The following LRP1B variants were observed in gnomAD, a reference collection of about 807,000 sequenced individuals.
The protein encoded by LRP1B is LDL receptor related protein 1B.
In LRP1B, 217 loss-of-function variants were observed where a neutral mutation model predicts 556.6. The ratio of observed to expected loss-of-function variants is 0.39; its 90% confidence interval spans 0.35 to 0.44. The LOEUF (loss-of-function observed/expected upper bound fraction) is 0.44, where lower values mean the gene tolerates loss of function less well. Among genes scored for constraint, LRP1B ranks in the 20% least tolerant of loss-of-function variants. LRP1B has a pLI of 1.00. For missense variants in LRP1B, 5,053 were observed against 5,620.8 expected (o/e 0.90, Z 3.23); for synonymous variants, 2,047 against 1,865.8 (o/e 1.10, Z -2.50).
chr2:141,937,829 A>G (rs13011272), intron 1 of LRP1B, among the ~76,000 whole-genome samples: 69,836 of 152,022 alleles, frequency 0.46, 17,777 homozygotes, highest in Middle Eastern at 0.68. Context: ...TTCAGAGATT[A>G]CATTTAAGTC....
chr2:141,594,107 T>G (rs913686328), intron 2 of LRP1B, among the ~76,000 whole-genome samples: 1 of 152,156 alleles, frequency 6.6e-6, no homozygotes, highest in African/African-American at 2.4e-5. Context: ...CCAATCAGCA[T>G]GCACTCTGAG....
intron 27 of LRP1B, among the ~76,000 whole-genome samples, chr2:140,859,822 A>G (rs112902194): frequency 0.017 from 2,582 of 151,864 alleles, 74 homozygotes; most frequent in African/African-American, 0.058. Flanking sequence ...GTGAAACCCC[A>G]TCTCTACTAA....
chr2:141,439,800 GTAAT>G (rs1680891862), intron 3 of LRP1B, among the ~76,000 whole-genome samples: 1 of 152,104 alleles, frequency 6.6e-6, no homozygotes, highest in Non-Finnish European at 1.5e-5. Context: ...AATCCACATA[GTAAT>G]TAAAGATGTT....
chr2:141,337,801 A>G (rs1687901866), intron 3 of LRP1B, among the ~76,000 whole-genome samples: 1 of 152,182 alleles, frequency 6.6e-6, no homozygotes, highest in Admixed American at 6.5e-5. Context: ...CACTTCAAGA[A>G]TGTTTATAAT....
chr2:141,146,785 T>A (rs1209481776), intron 7 of LRP1B, among the ~76,000 whole-genome samples: 2 of 152,192 alleles, frequency 1.3e-5, no homozygotes, highest in African/African-American at 4.8e-5. Context: ...TTCTCCGTTT[T>A]CCTGCTATTT....
intron 37 of LRP1B, among the ~76,000 whole-genome samples, chr2:140,703,642 T>C (rs777163363): frequency 3.3e-5 from 5 of 152,146 alleles, no homozygotes; most frequent in Non-Finnish European, 5.9e-5. Flanking sequence ...GGCACCTAAA[T>C]AGTCAACATA....
chr2:141,069,682 G>A (rs1333728178), intron 7 of LRP1B, among the ~76,000 whole-genome samples: 3 of 151,992 alleles, frequency 2.0e-5, no homozygotes, highest in Admixed American at 1.3e-4. Flanking sequence ...AAAAGGTAAC[G>A]ACACACTGAC....
At chr2:140,295,351 A>C (rs1429826384) in intron 84 of LRP1B, among the ~76,000 whole-genome samples, 1 of 152,216 alleles carries the variant, frequency 6.6e-6, no homozygotes, top group Non-Finnish European at 1.5e-5. Context: ...GCCTAATATG[A>C]TAAGAATAAA....
intron 21 of LRP1B, among the ~76,000 whole-genome samples, chr2:140,909,949 C>G (rs1396820988): frequency 1.3e-5 from 2 of 150,416 alleles, no homozygotes; most frequent in Non-Finnish European, 3.0e-5. Context: ...TGAAAAAAAG[C>G]CTTGAATATA....
Position 140,271,039 on chromosome 2 carries a change from C to G in LRP1B, c.13143-693G>C, listed in dbSNP as rs537327885. 3.3e-5 allele frequency among the ~76,000 whole-genome samples: 5 copies of G among 151,998 alleles called. No homozygotes were observed. The East Asian group carries it at 7.8e-4, about 24-fold the overall frequency. ...TTACCAAATGTTTCTAAGTTAAAGTCGCATCACAGGTTAGGGACAAGAATA... is the reference window on the plus strand; with the variant it reads ...TTACCAAATGTTTCTAAGTTAAAGTGGCATCACAGGTTAGGGACAAGAATA... On this transcript the variant is annotated intron_variant, in intron 85 of 90. Coordinates refer to ENST00000389484, the MANE Select transcript of LRP1B (RefSeq NM_018557.3).
At chr2:140,274,738 G>A in intron 84 of LRP1B, 140 bp from the exon 85 acceptor site, 1 of 654,216 alleles carries the variant, frequency 1.5e-6, no homozygotes, top group Non-Finnish European at 2.5e-6. Context: ...AATTACACAT[G>A]AAGTAGAATT....
At chr2:142,100,048 A>G (rs1471326816) in intron 1 of LRP1B, among the ~76,000 whole-genome samples, 5 of 151,940 alleles carry the variant, frequency 3.3e-5, no homozygotes, top group African/African-American at 4.8e-5. Flanking sequence ...AACAATGCAA[A>G]TGTTGCCACA....
intron 1 of LRP1B, among the ~76,000 whole-genome samples, chr2:141,954,836 C>T (rs1701204422): frequency 3.9e-5 from 6 of 152,062 alleles, no homozygotes. Context: ...ACTTCCTAAA[C>T]TACTTTATCC....
At chr2:140,820,543 G>A (rs1363588854) in intron 31 of LRP1B, among the ~76,000 whole-genome samples, 4 of 152,050 alleles carry the variant, frequency 2.6e-5, no homozygotes, top group African/African-American at 9.7e-5. Context: ...AATCTTATGT[G>A]CCTTGTGAAA....
intron 5 of LRP1B, among the ~76,000 whole-genome samples, chr2:141,245,939 T>A (rs1189401324): frequency 1.3e-5 from 2 of 152,180 alleles, no homozygotes; most frequent in African/African-American, 4.8e-5. Context: ...AAATATTTAT[T>A]GAGAACCTAT....
At chr2:141,514,810 C>G (rs1026307439) in intron 2 of LRP1B, among the ~76,000 whole-genome samples, 1 of 151,632 alleles carries the variant, frequency 6.6e-6, no homozygotes, top group African/African-American at 2.4e-5. Context: ...TGTTTCATAT[C>G]TCATCTAATT....
chr2:141,262,290 T>C (rs1684722690), intron 3 of LRP1B, among the ~76,000 whole-genome samples: 1 of 151,980 alleles, frequency 6.6e-6, no homozygotes, highest in South Asian at 2.1e-4. Context: ...TGTGTGTGTG[T>C]GTGCGTGCAT....
chr2:142,048,599 G>T (rs1414517765), intron 1 of LRP1B, among the ~76,000 whole-genome samples: 1 of 152,004 alleles, frequency 6.6e-6, no homozygotes, highest in Non-Finnish European at 1.5e-5. Flanking sequence ...AATTTGAAGT[G>T]TTTATTTACA....
At chr2:141,109,505 A>T (rs552084393) in intron 7 of LRP1B, among the ~76,000 whole-genome samples, 8 of 152,144 alleles carry the variant, frequency 5.3e-5, no homozygotes, top group Non-Finnish European at 8.8e-5. Context: ...TTCACTTCAA[A>T]ATAGGAATTA....
Sources: gnomAD v4.1 joint callset for allele counts (sites outside exome capture counted in the v4.1 genomes callset) on GRCh38, gnomAD v4.1.1 for gene constraint, MANE v1.5 for transcripts, NCBI Gene and HGNC (gene_info 2026-07-23, HGNC 2026-07-21) for gene names.